The following UBXN7 variants were observed in gnomAD, a reference collection of about 807,000 sequenced individuals.
The protein encoded by UBXN7 is UBX domain-containing protein 7.
Under a neutral mutation model 58.0 loss-of-function variants are expected in UBXN7, and 9 were observed. That is an observed-to-expected ratio of 0.16 (90% CI 0.09 to 0.27). The LOEUF is 0.27. Among genes scored for constraint, UBXN7 ranks in the 10% least tolerant of loss-of-function variants. UBXN7 has a pLI of 1.00. For missense variants in UBXN7, 328 were observed against 599.6 expected (o/e 0.55, Z 4.73); for synonymous variants, 208 against 205.0 (o/e 1.01, Z -0.12).
At position 196,362,338 on chromosome 3, in the gene UBXN7, G is replaced by A; in HGVS notation, c.1184C>T (p.Pro395Leu). 1.2e-6 allele frequency: 2 copies of A among 1,612,420 alleles called. No individual in the cohort carries two copies. The highest frequency in any genetic ancestry group is 8.5e-7 in the Non-Finnish European group (1 of 1,179,424). ...PAVDSEILEMPPEKADGVVEG... is the reference protein window; with the variant it reads ...PAVDSEILEMLPEKADGVVEG... ...CACTACTCCATCTGCTTTTTCAGGT[G>A]GCATCTCCAGTATCTCTGAATCCAC... The change falls in exon 9 of 11, where the codon CCA becomes CTA. Residue 395 changes from proline to leucine, a missense_variant. Physicochemically the swap from Pro to Leu is moderately conservative, Grantham distance 98. This residue lies in a region of UBXN7 where 66 missense variants were observed against 77.9 expected (regional missense o/e 0.85). Transcript: ENST00000296328.
chr3:196,427,235 T>G (rs961341177), intron 1 of UBXN7, among the ~76,000 whole-genome samples: 2 of 152,260 alleles, frequency 1.3e-5, no homozygotes, highest in African/African-American at 2.4e-5. Context: ...GCTAATGGAA[T>G]ACTGCCATGG....
At chr3:196,367,822 T>C (rs1270527945) in intron 8 of UBXN7, among the ~76,000 whole-genome samples, 1 of 152,074 alleles carries the variant, frequency 6.6e-6, no homozygotes, top group East Asian at 1.9e-4. Context: ...CTGGCAGGAG[T>C]ATGAGTATCA....
chr3:196,376,564 A>G (rs55950322), intron 5 of UBXN7, among the ~76,000 whole-genome samples: 2,262 of 147,168 alleles, frequency 0.015, 18 homozygotes, highest in African/African-American at 0.042. Flanking sequence ...AAAAAAAAAA[A>G]AAAAGAAAAG....
At chr3:196,368,642 T>TA (rs1287189084) in intron 7 of UBXN7, among the ~76,000 whole-genome samples, 3 of 152,306 alleles carry the variant, frequency 2.0e-5, no homozygotes, top group Non-Finnish European at 2.9e-5. Context: ...CCCGTAATGA[T>TA]AGGGCAACTA....
intron 1 of UBXN7, among the ~76,000 whole-genome samples, chr3:196,424,383 ATTTTTTTTTT>A (rs869183431): frequency 2.9e-5 from 3 of 104,904 alleles, no homozygotes; most frequent in African/African-American, 1.1e-4. Context: ...TCTTTTCCTA[ATTTTTTTTTT>A]TTTTTTTTTT....
intron 1 of UBXN7, among the ~76,000 whole-genome samples, chr3:196,429,632 C>T (rs1183852631): frequency 6.6e-6 from 1 of 151,990 alleles, no homozygotes; most frequent in Non-Finnish European, 1.5e-5. Context: ...ATATAAAATA[C>T]CTTTTAATTA....
At chr3:196,374,139 TAG>T (rs1294317274) in intron 5 of UBXN7, among the ~76,000 whole-genome samples, 5 of 152,200 alleles carry the variant, frequency 3.3e-5, no homozygotes, top group African/African-American at 1.2e-4. Context: ...CCATACGTTC[TAG>T]AGATAGACTA....
At chr3:196,365,091 T>A (rs1728625544) in intron 8 of UBXN7, among the ~76,000 whole-genome samples, 1 of 152,142 alleles carries the variant, frequency 6.6e-6, no homozygotes, top group Non-Finnish European at 1.5e-5. Context: ...TATTTAAGTT[T>A]ATAAAACGTG....
rs1401713158 is a variant in UBXN7, at chr3:196,355,524, C to T, written c.*1161G>A. On this transcript the variant is annotated 3_prime_UTR_variant, in exon 11 of 11. Transcript: ENST00000296328. ...TTCTGAATGGAGTTGAAAGGTCTTC[C>T]CCTTAGAGAGGCTTTCCGTTTTGAT... 2 of 152,198 alleles carry T rather than the reference C, an allele frequency of 1.3e-5. No homozygotes were observed. The highest frequency in any genetic ancestry group is 4.8e-5 in the African/African-American group (2 of 41,444). 9.4% of individuals were successfully genotyped at this position (152,198 alleles called of 1,614,324 possible). A position where few individuals can be genotyped will look rare whatever the true frequency, so the allele number is the denominator to read the frequency against.
chr3:196,374,129 C>T (rs1345817718), intron 5 of UBXN7, among the ~76,000 whole-genome samples: 2 of 152,088 alleles, frequency 1.3e-5, no homozygotes, highest in Non-Finnish European at 2.9e-5. Flanking sequence ...GGAAAAATGA[C>T]CATACGTTCT....
intron 1 of UBXN7, among the ~76,000 whole-genome samples, chr3:196,430,495 C>T (rs768155836): frequency 6.6e-6 from 1 of 151,926 alleles, no homozygotes; most frequent in Non-Finnish European, 1.5e-5. Flanking sequence ...TCAAGCAATC[C>T]TCCCACCTCA....
chr3:196,386,851 GA>G (rs1729420744), intron 5 of UBXN7, among the ~76,000 whole-genome samples: 1 of 152,038 alleles, frequency 6.6e-6, no homozygotes, highest in Admixed American at 6.6e-5. Flanking sequence ...CACAGAACTG[GA>G]AAAAACTACT....
intron 1 of UBXN7, among the ~76,000 whole-genome samples, chr3:196,422,199 C>CAAAAACA (rs1395518956): frequency 1.3e-5 from 2 of 151,874 alleles, no homozygotes; most frequent in Non-Finnish European, 2.9e-5. Context: ...GACTCCATCT[C>CAAAAACA]AAAAACAAAA....
At chr3:196,417,724 TAAAAAAAAAA>T (rs749981900) in intron 1 of UBXN7, among the ~76,000 whole-genome samples, 5 of 31,686 alleles carry the variant, frequency 1.6e-4, no homozygotes, top group African/African-American at 3.7e-4. Flanking sequence ...GCAAAATGGT[TAAAAAAAAAA>T]AAAAAAAAAA....
chr3:196,368,162 A>T lies in UBXN7; in HGVS notation c.707-7T>A. On this transcript the variant is annotated splice_polypyrimidine_tract_variant and splice_region_variant and intron_variant, in intron 7 of 10. Coordinates refer to ENST00000296328, the MANE Select transcript of UBXN7 (RefSeq NM_015562.2). ...CATTCTACTAGCTTCTGACCTAAGG[A>T]TTAAAAACCAAGATCTATAAATAAA... 1 of 1,604,948 alleles carries T rather than the reference A, an allele frequency of 6.2e-7. No homozygotes were observed. The highest frequency in any genetic ancestry group is 8.5e-7 in the Non-Finnish European group (1 of 1,177,208).
intron 10 of UBXN7, among the ~76,000 whole-genome samples, chr3:196,357,712 T>C (rs1235732802): frequency 1.3e-5 from 2 of 151,966 alleles, no homozygotes. Flanking sequence ...ACAAAAAAAT[T>C]AGCTGGGCAT....
chr3:196,399,701 A>G (rs1729898316), intron 3 of UBXN7, among the ~76,000 whole-genome samples: 1 of 152,128 alleles, frequency 6.6e-6, no homozygotes, highest in Non-Finnish European at 1.5e-5. Flanking sequence ...GTGGCCTCCC[A>G]AAGGACTGGG....
At chr3:196,397,615 C>T (rs940705251) in intron 3 of UBXN7, 1 of 152,238 alleles carries the variant, frequency 6.6e-6, no homozygotes. Flanking sequence ...CTTAGGTCAT[C>T]TGGTGTCCTC....
chr3:196,356,996 G>A, intron 10 of UBXN7, 150 bp from the exon 11 acceptor site: 2 of 1,044,916 alleles, frequency 1.9e-6, no homozygotes, highest in East Asian at 2.8e-5. Context: ...CTTGCCCTTG[G>A]GGAAGGGCCA....
Sources: allele counts gnomAD v4.1 joint callset (sites outside exome capture counted in the v4.1 genomes callset), GRCh38; gene constraint gnomAD v4.1.1; regional missense constraint gnomAD v4.1.1; transcripts MANE v1.5; gene names NCBI Gene and HGNC (gene_info 2026-07-23, HGNC 2026-07-21).